Variants in MAGI2 observed in about 807,000 individuals in gnomAD.
MAGI2 encodes membrane-associated guanylate kinase, WW and PDZ domain-containing protein 2.
Under a neutral mutation model 133.3 loss-of-function variants are expected in MAGI2, and 35 were observed. The ratio of observed to expected loss-of-function variants is 0.26; its 90% CI spans 0.20 to 0.35. MAGI2 has a LOEUF of 0.35. Among genes scored for constraint, MAGI2 ranks in the 10% least tolerant of loss-of-function variants. The pLI is 1.00. For synonymous variants in MAGI2, 729 were observed against 710.6 expected, an observed-to-expected ratio of 1.03 and a Z score of -0.41; for missense variants, 1,636 against 1,863.4, an observed-to-expected ratio of 0.88 and a Z score of 2.25.
At chr7:78,871,724 C>T (rs1160831050) in intron 2 of MAGI2, among the ~76,000 whole-genome samples, 5 of 151,556 alleles carry the variant, frequency 3.3e-5, no homozygotes, top group Non-Finnish European at 4.4e-5. Context: ...AATTGACTAC[C>T]GTTGATGGAA....
At chr7:78,319,278 C>T (rs184147525) in intron 9 of MAGI2, among the ~76,000 whole-genome samples, 1 of 152,058 alleles carries the variant, frequency 6.6e-6, no homozygotes, top group Non-Finnish European at 1.5e-5. Context: ...GAATATTTAC[C>T]AAACAAATGG....
intron 1 of MAGI2, chr7:79,030,230 C>T (rs1302416038): frequency 6.6e-6 from 1 of 152,144 alleles, no homozygotes; most frequent in Admixed American, 6.6e-5. Context: ...ACAATTTTGC[C>T]AAGATTTCTG....
chr7:78,565,334 A>C (rs939906857), intron 3 of MAGI2, among the ~76,000 whole-genome samples: 1 of 151,932 alleles, frequency 6.6e-6, no homozygotes. Context: ...GCATGGTGGC[A>C]TGCTCCTGTA....
At position 79,276,051 on chromosome 7, in the gene MAGI2, A is replaced by C. The variant is rs554161353; in HGVS notation, c.301+176969T>G. ...CTAACACCCATTCTGCAGTCAATGG[A>C]ATAAGGAGTAATTCCGACTTTCAAG... On this transcript the variant is annotated intron_variant, in intron 1 of 21. Coordinates refer to ENST00000354212, the MANE Select transcript of MAGI2 (RefSeq NM_012301.4). Among the ~76,000 whole-genome samples the C allele has an allele frequency of 7.9e-5, 12 of 152,270 alleles. No individual in the cohort carries two copies. In the South Asian group the frequency reaches 2.5e-3, roughly 32 times the overall value.
At chr7:78,573,263 A>ATATATTTATATATATATATATTT (rs1563188550) in intron 3 of MAGI2, among the ~76,000 whole-genome samples, 2 of 15,678 alleles carry the variant, frequency 1.3e-4, no homozygotes, top group Admixed American at 1.6e-3. Context: ...TATAAATATA[A>ATATATTTATATATATATATATTT]ATATATATAA....
intron 1 of MAGI2, among the ~76,000 whole-genome samples, chr7:79,293,807 C>G (rs1836690535): frequency 6.6e-6 from 1 of 152,170 alleles, no homozygotes. Context: ...AACATTTGCT[C>G]AAGCGCCTTT....
chr7:78,365,739 G>C (rs1459363570), intron 7 of MAGI2, among the ~76,000 whole-genome samples: 3 of 152,176 alleles, frequency 2.0e-5, no homozygotes, highest in African/African-American at 7.2e-5. Context: ...TAGAACAGTG[G>C]CATAGTAGGG....
intron 1 of MAGI2, among the ~76,000 whole-genome samples, chr7:79,274,156 T>C (rs1020201471): frequency 8.5e-5 from 13 of 152,106 alleles, no homozygotes; most frequent in African/African-American, 3.1e-4. Context: ...TCCCATGAAA[T>C]ATTTAGAACA....
chr7:78,047,995 G>T (rs1811609753), intron 21 of MAGI2, among the ~76,000 whole-genome samples: 1 of 152,208 alleles, frequency 6.6e-6, no homozygotes, highest in Non-Finnish European at 1.5e-5. Context: ...CGTGTTGGCT[G>T]AAGTTTACTT....
intron 1 of MAGI2, among the ~76,000 whole-genome samples, chr7:79,447,523 C>A (rs142320959): frequency 1.8e-3 from 272 of 151,934 alleles, no homozygotes; most frequent in Non-Finnish European, 3.0e-3. Context: ...ATTAATTCAA[C>A]GAAAATGCTA....
intron 2 of MAGI2, among the ~76,000 whole-genome samples, chr7:78,973,456 C>T (rs556284258): frequency 5.3e-4 from 81 of 151,782 alleles, no homozygotes; most frequent in African/African-American, 1.7e-3. Context: ...AATTTCCATT[C>T]CTCTGTGCAA....
rs547094103 is a variant in MAGI2 at position 79,095,127 on chromosome 7, C to T, written c.302-87921G>A. Among the ~76,000 whole-genome samples, 3 of 152,302 alleles carry T rather than the reference C, an allele frequency of 2.0e-5. No homozygotes were observed. The South Asian group carries it at 6.2e-4, about 32-fold the overall frequency. ...AATCTGTTGTTTGGGTAGCTACCCT[C>T]ATCAATTATCTTAGCTAGATCTTCT... On this transcript the variant is annotated intron_variant, in intron 1 of 21. Transcript: ENST00000354212.
At chr7:78,176,838 A>T (rs1005615284) in intron 14 of MAGI2, among the ~76,000 whole-genome samples, 1 of 150,932 alleles carries the variant, frequency 6.6e-6, no homozygotes, top group South Asian at 2.1e-4. Flanking sequence ...ACAGGACAAG[A>T]CTCTGTCTCA....
At chr7:78,180,025 T>C (rs1350976582) in intron 13 of MAGI2, among the ~76,000 whole-genome samples, 1 of 152,190 alleles carries the variant, frequency 6.6e-6, no homozygotes, top group African/African-American at 2.4e-5. Context: ...ATGACAGATA[T>C]TGCTCAATCA....
chr7:79,388,861 A>T (rs998673466), intron 1 of MAGI2, among the ~76,000 whole-genome samples: 6 of 150,076 alleles, frequency 4.0e-5, no homozygotes, highest in African/African-American at 7.3e-5. Context: ...AAAAAAACAC[A>T]GTCTTGACCC....
chr7:79,012,459 C>A (rs1808258921), intron 1 of MAGI2, among the ~76,000 whole-genome samples: 2 of 152,036 alleles, frequency 1.3e-5, no homozygotes, highest in South Asian at 4.1e-4. Flanking sequence ...AATTTGTGGA[C>A]CTGTTTTATA....
chr7:78,193,824 C>T (rs916456731), intron 12 of MAGI2, among the ~76,000 whole-genome samples: 1 of 150,968 alleles, frequency 6.6e-6, no homozygotes, highest in Non-Finnish European at 1.5e-5. Flanking sequence ...CAATGGCTTG[C>T]CATCCTAACT....
intron 1 of MAGI2, among the ~76,000 whole-genome samples, chr7:79,320,153 T>G (rs944175180): frequency 6.6e-6 from 1 of 152,164 alleles, no homozygotes; most frequent in African/African-American, 2.4e-5. Flanking sequence ...TATTTCTTAT[T>G]GCTTTAGAGA....
chr7:78,361,758 AG>A (rs1161362151), intron 7 of MAGI2, among the ~76,000 whole-genome samples: 1 of 152,212 alleles, frequency 6.6e-6, no homozygotes, highest in Non-Finnish European at 1.5e-5. Context: ...CGCTAATAAA[AG>A]TGTATTTAAT....
Sources: allele counts gnomAD v4.1 joint callset (sites outside exome capture counted in the v4.1 genomes callset), GRCh38; gene constraint gnomAD v4.1.1; transcripts MANE v1.5; gene names NCBI Gene and HGNC (gene_info 2026-07-23, HGNC 2026-07-21).